The following GALNT5 variants were observed in gnomAD, a reference collection of about 807,000 sequenced individuals.
The protein encoded by GALNT5 is polypeptide N-acetylgalactosaminyltransferase 5.
Under a neutral mutation model 85.4 loss-of-function variants are expected in GALNT5, and 72 were observed. The observed-to-expected ratio is 0.84, with a 90% CI of 0.70 to 1.03. The LOEUF is 1.03. Ranked by LOEUF, GALNT5 falls within the 50% of genes least tolerant of loss-of-function variation. The probability of loss-of-function intolerance (pLI) is 0.00; values close to 1 mark genes in which losing one functional copy is unlikely to be tolerated. For synonymous variants in GALNT5, 404 were observed against 397.0 expected, an observed-to-expected ratio of 1.02 and a Z score of -0.21; for missense variants, 1,137 against 1,135.5, an observed-to-expected ratio of 1.00 and a Z score of -0.02.
At chr2:157,306,945 C>T (rs572371617) in intron 8 of GALNT5, among the ~76,000 whole-genome samples, 20 of 151,100 alleles carry the variant, frequency 1.3e-4, no homozygotes, top group East Asian at 9.7e-4. Flanking sequence ...GAAATAAAGT[C>T]ATAAATTGTA....
intron 1 of GALNT5, among the ~76,000 whole-genome samples, chr2:157,263,602 T>A (rs530150426): frequency 6.6e-6 from 1 of 152,354 alleles, no homozygotes; most frequent in South Asian, 2.1e-4. Flanking sequence ...AAACTTTGTC[T>A]TTAGCTTTAT....
rs966380626 is a variant in GALNT5 at position 157,313,615 on chromosome 2, T to C, written c.*2267T>C. ...GAGAGGTTTTTTTCCCCCGGGTATA[T>C]AGGCTCTCTTTTTATCCGAAAATAG... On this transcript the variant is annotated 3_prime_UTR_variant, in exon 10 of 10. Coordinates refer to ENST00000259056, the MANE Select transcript of GALNT5 (RefSeq NM_014568.3). The C allele has an allele frequency of 1.3e-5, 2 of 152,292 alleles. No individual in the cohort carries two copies. The highest frequency in any genetic ancestry group is 4.8e-5 in the African/African-American group (2 of 41,560). The allele number at this position is 152,292 out of a possible 1,614,324, so 9.4% of individuals were successfully genotyped here.
At chr2:157,306,111 T>G (rs1437780216) in intron 8 of GALNT5, among the ~76,000 whole-genome samples, 1 of 152,196 alleles carries the variant, frequency 6.6e-6, no homozygotes, top group Non-Finnish European at 1.5e-5. Flanking sequence ...TAAATGGTAG[T>G]GATAATCATG....
In GALNT5 at chr2:157,258,370, G is replaced by C. The variant is rs775616449; in HGVS notation, c.288G>C (p.Glu96Asp). 6.2e-7 allele frequency: 1 copy of C among 1,609,870 alleles called. No homozygotes were observed. The highest frequency in any genetic ancestry group is 1.7e-5 in the Admixed American group (1 of 59,148). ...AAGAGAATGTTAGAAAAACTGAGGA[G>C]AGTGTGCTCAAGGTTGAGGTGGACT... ...WGKENVRKTE[E>D]SVLKVEVDLD... Residue 96 changes from glutamate to aspartate, a missense_variant, in exon 1 of 10, where the codon GAG becomes GAC. Coordinates refer to ENST00000259056, the MANE Select transcript of GALNT5 (RefSeq NM_014568.3).
intron 3 of GALNT5, among the ~76,000 whole-genome samples, chr2:157,286,900 GT>G (rs1173891295): frequency 7.0e-6 from 1 of 142,734 alleles, no homozygotes; most frequent in Non-Finnish European, 1.6e-5. Flanking sequence ...ACCAGTGTGT[GT>G]GTGTGTGTGT....
At chr2:157,270,749 T>C (rs1462955673) in intron 1 of GALNT5, among the ~76,000 whole-genome samples, 1 of 152,050 alleles carries the variant, frequency 6.6e-6, no homozygotes, top group Admixed American at 6.5e-5. Flanking sequence ...ATGCAGAAGA[T>C]AAGGAAATAA....
At position 157,318,000 on chromosome 2, in the gene GALNT5, T is replaced by C. The variant is rs1021185204; in HGVS notation, c.*6652T>C. On this transcript the variant is annotated 3_prime_UTR_variant, in exon 10 of 10. Coordinates refer to ENST00000259056, the MANE Select transcript of GALNT5 (RefSeq NM_014568.3). ...TATGTTTCTGTCTGATACTTTAATA[T>C]TGGTAAATATAGTTTTTGACATTGC... Among the ~76,000 whole-genome samples, 3 of 152,170 alleles carry C rather than the reference T, an allele frequency of 2.0e-5. No individual in the cohort carries two copies. The highest frequency in any genetic ancestry group is 7.2e-5 in the African/African-American group (3 of 41,456).
intron 8 of GALNT5, among the ~76,000 whole-genome samples, chr2:157,308,018 C>T (rs1336993537): frequency 1.3e-5 from 2 of 152,186 alleles, no homozygotes; most frequent in African/African-American, 4.8e-5. Flanking sequence ...ATGCTAGTAG[C>T]AAAGAAGGAC....
rs998551542 is a variant in GALNT5, at chr2:157,316,089, T to C, written c.*4741T>C. The stretch of plus-strand genomic sequence containing the variant: ...AACCTTTTATTATGCAAATGCATCT[T>C]CTACCTGGCTGTCACCATGACATTT... On this transcript the variant is annotated 3_prime_UTR_variant, in exon 10 of 10. Transcript: ENST00000259056. 2.0e-5 allele frequency among the ~76,000 whole-genome samples: 3 copies of C among 152,128 alleles called. No individual in the cohort carries two copies. Among genetic ancestry groups the C allele is most frequent in the Non-Finnish European group, 4.4e-5 (3 of 68,020 alleles).
Position 157,312,051 on chromosome 2 carries a change from T to A in GALNT5, c.*703T>A, listed in dbSNP as rs1052093896. On this transcript the variant is annotated 3_prime_UTR_variant, in exon 10 of 10. Coordinates refer to ENST00000259056, the MANE Select transcript of GALNT5 (RefSeq NM_014568.3). ...ATGAACACTATTTCAGTTCATTTTG[T>A]GCTTTTAAAACTACAGTTTTAAAGA... The A allele has an allele frequency of 1.3e-5, 2 of 152,212 alleles. No homozygotes were observed. The highest frequency in any genetic ancestry group is 4.8e-5 in the African/African-American group (2 of 41,450). 9.4% of individuals were successfully genotyped at this position (152,212 alleles called of 1,614,324 possible).
intron 1 of GALNT5, among the ~76,000 whole-genome samples, chr2:157,281,710 T>G (rs768662301): frequency 6.6e-6 from 1 of 152,204 alleles, no homozygotes; most frequent in Non-Finnish European, 1.5e-5. Context: ...TGTAAGTACT[T>G]CTGGTGCAGG....
chr2:157,275,376 G>C (rs1321998685), intron 1 of GALNT5, among the ~76,000 whole-genome samples: 1 of 152,176 alleles, frequency 6.6e-6, no homozygotes, highest in Admixed American at 6.5e-5. Flanking sequence ...GAAAGTCATT[G>C]GTAGCTTGAT....
chr2:157,308,441 A>G (rs1683499002), intron 8 of GALNT5, 126 bp from the exon 9 acceptor site: 1 of 679,538 alleles, frequency 1.5e-6, no homozygotes, highest in Admixed American at 2.7e-5. Flanking sequence ...TGATAATACC[A>G]GGACTTGAAT....
At chr2:157,284,723 T>C (rs1682935219) in intron 2 of GALNT5, among the ~76,000 whole-genome samples, 1 of 152,172 alleles carries the variant, frequency 6.6e-6, no homozygotes, top group African/African-American at 2.4e-5. Flanking sequence ...CACTTAGAAG[T>C]AGTGGAGTTT....
intron 1 of GALNT5, among the ~76,000 whole-genome samples, chr2:157,272,883 T>A (rs777796782): frequency 6.6e-5 from 10 of 152,206 alleles, no homozygotes; most frequent in Non-Finnish European, 1.3e-4. Flanking sequence ...AGTAATTGGA[T>A]TGCTTGCTCA....
chr2:157,271,750 G>C (rs1682590115), intron 1 of GALNT5, among the ~76,000 whole-genome samples: 1 of 152,184 alleles, frequency 6.6e-6, no homozygotes, highest in Admixed American at 6.5e-5. Flanking sequence ...TGAGTGAGAT[G>C]CCTGTGAGAC....
At chr2:157,295,947 G>A (rs373226887) in intron 4 of GALNT5, 149 bp downstream of exon 4, 1 of 597,810 alleles carries the variant, frequency 1.7e-6, no homozygotes, top group Non-Finnish European at 2.9e-6. Context: ...AAACATGGTC[G>A]ATATCTTGGG....
In GALNT5 at chr2:157,301,129, G is replaced by A. The variant is rs375393111; in HGVS notation, c.2439+130G>A. ...CAAGTATGAGCAAAGATGGGACAAA[G>A]CATGGCTGAGAATTAAATATAGGTA... On this transcript the variant is annotated intron_variant, in intron 7 of 9. Transcript: ENST00000259056. The A allele has an allele frequency of 1.1e-4, 77 of 675,554 alleles. No individual in the cohort carries two copies. The African/African-American group carries it at 1.2e-3, about 10-fold the overall frequency. The allele number at this position is 675,554 out of a possible 1,614,324, so 41.8% of individuals were successfully genotyped here. A position where few individuals can be genotyped will look rare whatever the true frequency, so the allele number is the denominator to read the frequency against.
intron 3 of GALNT5, among the ~76,000 whole-genome samples, chr2:157,290,750 C>G (rs1238222252): frequency 5.9e-5 from 9 of 152,056 alleles, no homozygotes; most frequent in African/African-American, 1.4e-4. Flanking sequence ...ATCCAGAGAT[C>G]CAAAGACATG....
Sources: allele counts gnomAD v4.1 joint callset (sites outside exome capture counted in the v4.1 genomes callset), GRCh38; gene constraint gnomAD v4.1.1; transcripts MANE v1.5; gene names NCBI Gene and HGNC (gene_info 2026-07-23, HGNC 2026-07-21).